Variants in LDLRAD4 observed in about 807,000 individuals in gnomAD.
LDLRAD4 encodes the protein low-density lipoprotein receptor class A domain-containing protein 4.
In LDLRAD4, 5 loss-of-function variants were observed where a neutral mutation model predicts 17.0. The observed-to-expected ratio is 0.29, with a 90% CI of 0.15 to 0.62. The LOEUF (loss-of-function observed/expected upper bound fraction) is 0.62, where lower values mean the gene tolerates loss of function less well. LDLRAD4 is among the 20% of genes least tolerant of loss of function. The pLI is 0.84. For missense variants in LDLRAD4, 340 were observed against 424.7 expected, an observed-to-expected ratio of 0.80 and a Z score of 1.75; for synonymous variants, 168 against 171.8, an observed-to-expected ratio of 0.98 and a Z score of 0.17.
intron 3 of LDLRAD4, among the ~76,000 whole-genome samples, chr18:13,449,368 G>T (rs986384056): frequency 6.6e-6 from 1 of 152,242 alleles, no homozygotes; most frequent in African/African-American, 2.4e-5. Context: ...ATGGCAGGGG[G>T]CTGGGCTGTG....
chr18:13,268,272 C>G (rs138335157), intron 1 of LDLRAD4, among the ~76,000 whole-genome samples: 79 of 152,326 alleles, frequency 5.2e-4, no homozygotes, highest in South Asian at 1.9e-3. Context: ...CCCTCCTCCC[C>G]CCTCGGCTTG....
chr18:13,444,535 T>TA (rs2091255347), intron 3 of LDLRAD4, among the ~76,000 whole-genome samples: 9 of 152,198 alleles, frequency 5.9e-5, no homozygotes, highest in Admixed American at 5.9e-4. Context: ...AGTTGAAAGT[T>TA]ATACACAAAT....
intron 1 of LDLRAD4, among the ~76,000 whole-genome samples, chr18:13,378,708 A>G (rs1004924645): frequency 6.6e-6 from 1 of 152,008 alleles, no homozygotes; most frequent in African/African-American, 2.4e-5. Flanking sequence ...ATTCTACCAC[A>G]TTTCATACCA....
chr18:13,295,733 T>G (rs1296904534), intron 1 of LDLRAD4, among the ~76,000 whole-genome samples: 1 of 152,278 alleles, frequency 6.6e-6, no homozygotes, highest in Non-Finnish European at 1.5e-5. Context: ...ATAGCATAGC[T>G]GCTGTGGCTT....
intron 3 of LDLRAD4, among the ~76,000 whole-genome samples, chr18:13,475,544 G>T (rs1252281756): frequency 6.6e-6 from 1 of 151,874 alleles, no homozygotes; most frequent in African/African-American, 2.4e-5. Context: ...GAGCCACTGG[G>T]CCCTGCCTGG....
intron 1 of LDLRAD4, among the ~76,000 whole-genome samples, chr18:13,222,372 A>AT (rs1159522434): frequency 4.7e-5 from 7 of 149,058 alleles, no homozygotes; most frequent in Admixed American, 6.7e-5. Context: ...GATGACAACT[A>AT]TTTTTTTTTA....
At chr18:13,328,125 C>T (rs2081633971) in intron 1 of LDLRAD4, among the ~76,000 whole-genome samples, 1 of 152,184 alleles carries the variant, frequency 6.6e-6, no homozygotes, top group Admixed American at 6.5e-5. Flanking sequence ...GACCAAACAA[C>T]TAACCAGCAT....
At chr18:13,447,002 C>T (rs1348320516) in intron 3 of LDLRAD4, among the ~76,000 whole-genome samples, 5 of 152,130 alleles carry the variant, frequency 3.3e-5, no homozygotes, top group African/African-American at 7.2e-5. Flanking sequence ...TACCTTGGAG[C>T]GAGGCTGGGG....
intron 3 of LDLRAD4, among the ~76,000 whole-genome samples, chr18:13,545,405 C>T (rs1043315397): frequency 6.6e-6 from 1 of 152,080 alleles, no homozygotes; most frequent in Non-Finnish European, 1.5e-5. Flanking sequence ...ATGGTGAGCC[C>T]TTAGTTAAAG....
intron 1 of LDLRAD4, among the ~76,000 whole-genome samples, chr18:13,301,493 C>T (rs185886486): frequency 2.5e-3 from 381 of 152,190 alleles, no homozygotes; most frequent in African/African-American, 8.6e-3. Flanking sequence ...AAAATTAAGT[C>T]CTGTGGGTCA....
intron 1 of LDLRAD4, among the ~76,000 whole-genome samples, chr18:13,299,817 TG>T (rs1350630702): frequency 6.6e-6 from 1 of 152,132 alleles, no homozygotes; most frequent in African/African-American, 2.4e-5. Context: ...CCCTCCAGCC[TG>T]GGCGATAGAG....
intron 1 of LDLRAD4, among the ~76,000 whole-genome samples, chr18:13,235,687 A>G (rs1427885985): frequency 6.6e-6 from 1 of 152,348 alleles, no homozygotes; most frequent in Non-Finnish European, 1.5e-5. Flanking sequence ...CATGTTGCAT[A>G]TGCGATCGGC....
intron 3 of LDLRAD4, among the ~76,000 whole-genome samples, chr18:13,476,434 G>A (rs532499382): frequency 6.6e-6 from 1 of 152,158 alleles, no homozygotes; most frequent in African/African-American, 2.4e-5. Flanking sequence ...AGACCAGCCT[G>A]GGCAATGTAG....
chr18:13,590,668 G>A (rs994548459), intron 3 of LDLRAD4, among the ~76,000 whole-genome samples: 47 of 152,108 alleles, frequency 3.1e-4, no homozygotes, highest in African/African-American at 1.1e-3. Flanking sequence ...TTTCTTGTGC[G>A]TGATTAGCCT....
intron 3 of LDLRAD4, among the ~76,000 whole-genome samples, chr18:13,539,393 A>T (rs1356539654): frequency 3.3e-5 from 5 of 152,238 alleles, no homozygotes; most frequent in Non-Finnish European, 5.9e-5. Flanking sequence ...ATAGAAAAAG[A>T]GCTGTTCAAG....
chr18:13,321,995 AT>A (rs977588001), intron 1 of LDLRAD4, among the ~76,000 whole-genome samples: 117 of 148,668 alleles, frequency 7.9e-4, no homozygotes, highest in African/African-American at 2.2e-3. Flanking sequence ...TATATTTAGA[AT>A]TTTTTTTTTA....
chr18:13,630,299 G>C (rs1187498350), intron 4 of LDLRAD4, among the ~76,000 whole-genome samples: 1 of 152,204 alleles, frequency 6.6e-6, no homozygotes, highest in East Asian at 1.9e-4. Flanking sequence ...GAAAGGGGGA[G>C]GTGCAGTCTC....
intron 2 of LDLRAD4, among the ~76,000 whole-genome samples, chr18:13,431,950 C>T (rs145564801): frequency 6.6e-6 from 1 of 152,228 alleles, no homozygotes; most frequent in African/African-American, 2.4e-5. Context: ...GAGGTCAGAG[C>T]GTCACCAGTG....
In LDLRAD4 at chr18:13,621,439, T is replaced by C. The variant is rs987509780; in HGVS notation, c.336+168T>C. Among the ~76,000 whole-genome samples the C allele has an allele frequency of 2.0e-5, 3 of 152,206 alleles. No homozygotes were observed. The highest frequency in any genetic ancestry group is 7.2e-5 in the African/African-American group (3 of 41,446). On this transcript the variant is annotated intron_variant, in intron 4 of 5. Transcript: ENST00000359446. The surrounding 1 kb of genome is among the most constrained non-coding windows in gnomAD (Gnocchi z 5.5). The stretch of plus-strand genomic sequence containing the variant: ...AGTCCCCACAAACTGAACACACCAG[T>C]GTGACCAGCACCCAGTGAACATACA...
Sources: gnomAD v4.1 joint callset for allele counts (sites outside exome capture counted in the v4.1 genomes callset) on GRCh38, gnomAD v4.1.1 for gene constraint, Gnocchi (gnomAD v3.1) non-coding constraint, MANE v1.5 for transcripts, NCBI Gene and HGNC (gene_info 2026-07-23, HGNC 2026-07-21) for gene names.